ARMC2: variants seen among roughly 807,000 people sequenced by gnomAD.
The protein encoded by ARMC2 is armadillo repeat containing 2.
A neutral mutation model predicts 90.3 loss-of-function variants in ARMC2; 67 were observed. That is an observed-to-expected ratio of 0.74 (90% CI 0.61 to 0.91). ARMC2 has a LOEUF of 0.91. Among genes scored for constraint, ARMC2 ranks in the 40% least tolerant of loss-of-function variants. The pLI, the probability that ARMC2 is intolerant of heterozygous loss-of-function variation, is 0.00. For missense variants in ARMC2, 920 were observed against 1,030.9 expected (o/e 0.89, Z 1.47); for synonymous variants, 393 against 393.0 (o/e 1.00, Z 0.00).
At chr6:109,008,190 C>G in the ARMC2 span, among the ~76,000 whole-genome samples, 1 of 152,114 alleles carries the variant, frequency 6.6e-6, no homozygotes, top group Non-Finnish European at 1.5e-5. Flanking sequence ...TGAGCAAGAA[C>G]CAGGACTCTG....
chr6:109,025,911 G>A, the ARMC2 span, among the ~76,000 whole-genome samples: 1 of 151,068 alleles, frequency 6.6e-6, no homozygotes, highest in Non-Finnish European at 1.5e-5. Context: ...AAGACACGAT[G>A]GTTAAGGATT....
chr6:109,033,574 A>G, the ARMC2 span, among the ~76,000 whole-genome samples: 2 of 152,182 alleles, frequency 1.3e-5, no homozygotes, highest in African/African-American at 4.8e-5. Context: ...ATTAATTAGA[A>G]TGAATCTGAA....
the ARMC2 span, among the ~76,000 whole-genome samples, chr6:109,001,978 GT>G: frequency 6.6e-6 from 1 of 152,262 alleles, no homozygotes; most frequent in African/African-American, 2.4e-5. Flanking sequence ...AGTAACTCAG[GT>G]TATGGGCACA....
chr6:108,990,897 G>C, the ARMC2 span: 7 of 1,388,926 alleles, frequency 5.0e-6, no homozygotes, highest in South Asian at 8.9e-5. Flanking sequence ...TATATCTATA[G>C]CTCTGTAGCA....
At chr6:108,886,487 C>T (rs1379317010) in intron 5 of ARMC2, among the ~76,000 whole-genome samples, 1 of 152,190 alleles carries the variant, frequency 6.6e-6, no homozygotes, top group Non-Finnish European at 1.5e-5. Flanking sequence ...AGGAGAATCA[C>T]TTGAGCCTGG....
chr6:108,874,835 TAAAA>T (rs879356888), intron 4 of ARMC2, among the ~76,000 whole-genome samples: 1 of 141,290 alleles, frequency 7.1e-6, no homozygotes, highest in African/African-American at 2.6e-5. Context: ...TTTCTCATCT[TAAAA>T]AAAAAAAAAA....
the ARMC2 span, among the ~76,000 whole-genome samples, chr6:109,041,593 CAG>C: frequency 6.6e-6 from 1 of 151,580 alleles, no homozygotes; most frequent in Non-Finnish European, 1.5e-5. Flanking sequence ...AGAAAATTAC[CAG>C]AGACAAGGAG....
chr6:108,873,925 G>T (rs78310708), intron 4 of ARMC2, among the ~76,000 whole-genome samples: 1 of 152,026 alleles, frequency 6.6e-6, no homozygotes, highest in South Asian at 2.1e-4. Flanking sequence ...ATAGAGCAAC[G>T]TCATTAAGAA....
the ARMC2 span, chr6:109,002,127 CCA>C: frequency 1.6e-6 from 1 of 613,114 alleles, no homozygotes; most frequent in African/African-American, 1.9e-5. Context: ...CTTTTTATTC[CCA>C]CAGATTCACT....
At chr6:108,907,780 A>C in intron 8 of ARMC2, 1 of 1,610,752 alleles carries the variant, frequency 6.2e-7, no homozygotes. Flanking sequence ...AAATGCCACT[A>C]GGGCTGAAGT....
At chr6:109,029,273 A>C in the ARMC2 span, among the ~76,000 whole-genome samples, 10 of 152,328 alleles carry the variant, frequency 6.6e-5, no homozygotes, top group Non-Finnish European at 1.3e-4. Flanking sequence ...TAAGGATACT[A>C]TTAGGAACAA....
the ARMC2 span, chr6:108,992,945 T>C: frequency 8.0e-7 from 1 of 1,250,192 alleles, no homozygotes; most frequent in African/African-American, 1.5e-5. Flanking sequence ...AGGATGCTAG[T>C]TAAAATTGAT....
the ARMC2 span, among the ~76,000 whole-genome samples, chr6:108,995,481 A>C: frequency 4.6e-5 from 7 of 152,234 alleles, no homozygotes; most frequent in Admixed American, 2.6e-4. Flanking sequence ...AGTGTCACAC[A>C]TAGAGTAATG....
the ARMC2 span, among the ~76,000 whole-genome samples, chr6:109,024,649 G>A: frequency 6.6e-6 from 1 of 152,126 alleles, no homozygotes; most frequent in Non-Finnish European, 1.5e-5. Context: ...CTACATTATA[G>A]TCTAGCCTAG....
chr6:108,902,728 G>A (rs11961585), intron 7 of ARMC2, among the ~76,000 whole-genome samples: 5,388 of 152,212 alleles, frequency 0.035, 163 homozygotes, highest in Non-Finnish European at 0.058. Context: ...GGGCTTCTAA[G>A]AGCACATTAT....
At chr6:109,052,311 TTTG>T in the ARMC2 span, among the ~76,000 whole-genome samples, 6 of 152,192 alleles carry the variant, frequency 3.9e-5, no homozygotes, top group Non-Finnish European at 5.9e-5. Context: ...AAAGATAATT[TTTG>T]TTATTATAAA....
chr6:108,998,637 T>G, the ARMC2 span: 1 of 1,613,990 alleles, frequency 6.2e-7, no homozygotes, highest in Non-Finnish European at 8.5e-7. Context: ...ACAATGAATT[T>G]CTGGACTGAT....
At chr6:108,906,651 T>G (rs918288265) in intron 8 of ARMC2, among the ~76,000 whole-genome samples, 1 of 152,064 alleles carries the variant, frequency 6.6e-6, no homozygotes, top group Non-Finnish European at 1.5e-5. Flanking sequence ...CTGGCTAATT[T>G]TTAAAAAATG....
At position 108,959,861 on chromosome 6, in the gene ARMC2, T is replaced by C. The variant is rs1386515468; in HGVS notation, c.1916-1711T>C. ...CCATCAAGTCTGGCTAATTTTTGTA[T>C]TTTTAGTGGAGACGGGGTTTCACCA... is the stretch of plus-strand genomic sequence containing the variant. On this transcript the variant is annotated intron_variant, in intron 13 of 17. Transcript: ENST00000392644. 2.6e-5 allele frequency among the ~76,000 whole-genome samples: 4 copies of C among 151,942 alleles called. No individual in the cohort carries two copies. The East Asian group carries it at 7.7e-4, about 29-fold the overall frequency.
Sources: gnomAD v4.1 joint callset for allele counts (sites outside exome capture counted in the v4.1 genomes callset) on GRCh38, gnomAD v4.1.1 for gene constraint, MANE v1.5 for transcripts, NCBI Gene and HGNC (gene_info 2026-07-23, HGNC 2026-07-21) for gene names.